Variants in TPM3 observed in about 807,000 individuals in gnomAD.
TPM3 encodes tropomyosin 3.
A neutral mutation model predicts 43.1 loss-of-function variants in TPM3; 16 were observed. The observed-to-expected ratio is 0.37, with a 90% confidence interval of 0.25 to 0.56. The LOEUF (loss-of-function observed/expected upper bound fraction) is 0.56. TPM3 is among the 20% of genes least tolerant of loss of function. The pLI is 0.77. For missense variants in TPM3, 176 were observed against 337.2 expected (o/e 0.52, Z 3.74); for synonymous variants, 101 against 116.9 (o/e 0.86, Z 0.88).
At chr1:154,160,363 G>A (rs552698802), downstream of TPM3, among the ~76,000 whole-genome samples, 15 of 152,316 alleles carry the variant, frequency 9.8e-5, no homozygotes, top group African/African-American at 3.4e-4. Flanking sequence ...CCTGCCTTGT[G>A]GGCTGAGGCT....
At chr1:154,191,871 G>A in intron 1 of TPM3, 31 bp downstream of exon 1, 1 of 1,601,592 alleles carries the variant, frequency 6.2e-7, no homozygotes, top group Non-Finnish European at 8.5e-7. Flanking sequence ...TTGTTCACTA[G>A]CAGATGAGAG....
intron 3 of TPM3, among the ~76,000 whole-genome samples, chr1:154,174,370 A>ATATGTG (rs1553249328): frequency 3.7e-5 from 1 of 26,856 alleles, no homozygotes; most frequent in Admixed American, 5.3e-4. Context: ...ATATATGTGT[A>ATATGTG]TATATATATA....
chr1:154,157,819 C>G (rs1329349731), downstream of TPM3: 2 of 767,606 alleles, frequency 2.6e-6, no homozygotes, highest in Non-Finnish European at 4.8e-6. Flanking sequence ...AAGCTGCAGA[C>G]TGATAAAGCA....
chr1:154,177,542 T>C (rs1662475796), intron 2 of TPM3, among the ~76,000 whole-genome samples: 1 of 152,136 alleles, frequency 6.6e-6, no homozygotes, highest in Non-Finnish European at 1.5e-5. Flanking sequence ...CTACCTTTAC[T>C]GGTGGGAGGT....
chr1:154,156,636 A>G (rs567765484), downstream of TPM3: 62 of 197,098 alleles, frequency 3.1e-4, no homozygotes, highest in African/African-American at 1.4e-3. Flanking sequence ...TGGGGTGGCC[A>G]GGGTGCCACA....
At chr1:154,158,205 T>G (rs753637093), downstream of TPM3, among the ~76,000 whole-genome samples, 1 of 152,158 alleles carries the variant, frequency 6.6e-6, no homozygotes, top group Non-Finnish European at 1.5e-5. Context: ...ACTGATGGGA[T>G]AAATAAAAGG....
Position 154,167,916 on chromosome 1 carries a change from A to G in TPM3, c.*21T>C, listed in dbSNP as rs777826089. On this transcript the variant is annotated 3_prime_UTR_variant, in exon 10 of 10. Coordinates refer to ENST00000651641, the MANE Select transcript of TPM3 (RefSeq NM_152263.4). ...GAGGAGTAAAGGGGGCAGATCCAGA[A>G]CAGAGCAGAAACGGTGATAATTATC... The G allele has an allele frequency of 3.1e-6, 5 of 1,614,136 alleles. No individual in the cohort carries two copies. Among genetic ancestry groups the G allele is most frequent in the Non-Finnish European group, 4.2e-6 (5 of 1,179,996 alleles).
chr1:154,169,456 G>A (rs1476650287), intron 8 of TPM3, 73 bp from the exon 9 acceptor site: 1 of 1,477,450 alleles, frequency 6.8e-7, no homozygotes, highest in South Asian at 1.1e-5. Flanking sequence ...ATGAAGAGAG[G>A]GAATCATTAG....
At chr1:154,182,271 G>C (rs1401111954) in intron 2 of TPM3, among the ~76,000 whole-genome samples, 1 of 152,226 alleles carries the variant, frequency 6.6e-6, no homozygotes, top group East Asian at 1.9e-4. Context: ...CTAACGTTGA[G>C]AGAAGTACTA....
chr1:154,187,387 T>G (rs1663453952), intron 2 of TPM3: 1 of 984,654 alleles, frequency 1.0e-6, no homozygotes, highest in Non-Finnish European at 1.2e-6. Flanking sequence ...CAACCTTCCC[T>G]CTCCTGTTTC....
rs542298087 is a variant in TPM3, at chr1:154,162,051, G to A, written c.*5886C>T. Among the ~76,000 whole-genome samples, 13 of 152,158 alleles carry A rather than the reference G, an allele frequency of 8.5e-5. No homozygotes were observed. Among genetic ancestry groups the A allele is most frequent in the African/African-American group, 2.2e-4 (9 of 41,526 alleles). On this transcript the variant is annotated 3_prime_UTR_variant, in exon 10 of 10. Coordinates refer to ENST00000651641, the MANE Select transcript of TPM3 (RefSeq NM_152263.4). ...AGGCAGAGAACCTATTTGGTCTAGC[G>A]TTCTTTTCAGCTATATCTAATTAAG... is the stretch of plus-strand genomic sequence containing the variant.
downstream of TPM3, chr1:154,155,783 T>G: frequency 4.5e-6 from 1 of 224,690 alleles, no homozygotes; most frequent in Non-Finnish European, 8.9e-6. Flanking sequence ...GATATGGTTG[T>G]GAAGGAAAAT....
chr1:154,186,025 C>A (rs762554365), intron 2 of TPM3, among the ~76,000 whole-genome samples: 1 of 151,560 alleles, frequency 6.6e-6, no homozygotes, highest in Non-Finnish European at 1.5e-5. Flanking sequence ...CTCTGTTTTC[C>A]TATCACCTTT....
intron 2 of TPM3, chr1:154,178,169 A>G (rs1288502607): frequency 6.1e-6 from 6 of 985,364 alleles, no homozygotes; most frequent in Non-Finnish European, 6.0e-6. Flanking sequence ...AATGTAAGAC[A>G]TCATGCAGCT....
chr1:154,174,407 T>TATATATATATATATATACACAC (rs1261318136), intron 3 of TPM3, among the ~76,000 whole-genome samples: 5 of 72,676 alleles, frequency 6.9e-5, no homozygotes, highest in African/African-American at 2.0e-4. Flanking sequence ...TATATATATA[T>TATATATATATATATATACACAC]ACACACAAAA....
chr1:154,170,014 G>A (rs1661399805), intron 8 of TPM3: 1 of 280,520 alleles, frequency 3.6e-6, no homozygotes, highest in Non-Finnish European at 6.9e-6. Flanking sequence ...CCGACAACTT[G>A]AGTGGCAAAA....
chr1:154,170,357 C>T (rs1661431830), intron 8 of TPM3, 43 bp downstream of exon 8: 2 of 1,595,764 alleles, frequency 1.3e-6, no homozygotes, highest in Non-Finnish European at 1.7e-6. Context: ...GGGCAGTCTT[C>T]CTCTATATTT....
rs1391163067 is a variant in TPM3 at position 154,176,108 on chromosome 1, T to C, written c.377+7A>G. ...AAATCCACACTCCATCAGGCTTCCC[T>C]ACACACCTCTCACTCTCATCAGCAG... On this transcript the variant is annotated splice_region_variant and intron_variant, in intron 3 of 9. Coordinates refer to ENST00000651641, the MANE Select transcript of TPM3 (RefSeq NM_152263.4). 2 of 1,613,428 alleles carry C rather than the reference T, an allele frequency of 1.2e-6. No individual in the cohort carries two copies. The highest frequency in any genetic ancestry group is 3.3e-5 in the Admixed American group (2 of 60,024).
chr1:154,176,383 T>C, intron 2 of TPM3, 135 bp from the exon 3 acceptor site: 3 of 1,257,600 alleles, frequency 2.4e-6, no homozygotes, highest in South Asian at 2.5e-5. Context: ...TTAGCTCAGC[T>C]GTTAAAAGAT....
Sources: gnomAD v4.1 joint callset for allele counts (sites outside exome capture counted in the v4.1 genomes callset) on GRCh38, gnomAD v4.1.1 for gene constraint, MANE v1.5 for transcripts, NCBI Gene and HGNC (gene_info 2026-07-23, HGNC 2026-07-21) for gene names.